POU6F2: variants seen among roughly 807,000 people sequenced by gnomAD.
POU6F2 encodes the protein POU class 6 homeobox 2.
In POU6F2, 31 loss-of-function variants were observed where a neutral mutation model predicts 71.3. The observed-to-expected ratio is 0.43, with a 90% confidence interval of 0.33 to 0.59. The LOEUF (loss-of-function observed/expected upper bound fraction) is 0.59. Among genes scored for constraint, POU6F2 ranks in the 20% least tolerant of loss-of-function variants. POU6F2 has a pLI of 0.04. For synonymous variants in POU6F2, 347 were observed against 355.7 expected, an observed-to-expected ratio of 0.98 and a Z score of 0.27; for missense variants, 783 against 856.8, an observed-to-expected ratio of 0.91 and a Z score of 1.07.
chr7:39,278,869 C>T (rs6967976), intron 4 of POU6F2, among the ~76,000 whole-genome samples: 41,067 of 152,078 alleles, frequency 0.27, 6,298 homozygotes, highest in African/African-American at 0.41. Context: ...TCCACATGTT[C>T]CTCAGGCTGG....
At chr7:39,319,491 T>A (rs1049409866) in intron 4 of POU6F2, among the ~76,000 whole-genome samples, 1 of 152,178 alleles carries the variant, frequency 6.6e-6, no homozygotes, top group African/African-American at 2.4e-5. Context: ...ATGCCCTACC[T>A]CTAAATTCTG....
intron 4 of POU6F2, among the ~76,000 whole-genome samples, chr7:39,336,361 G>A (rs1199314257): frequency 6.6e-6 from 1 of 151,984 alleles, no homozygotes; most frequent in East Asian, 1.9e-4. Context: ...TGTCTCTATG[G>A]ACTCACTTAT....
intron 2 of POU6F2, among the ~76,000 whole-genome samples, chr7:39,184,323 A>T (rs186398725): frequency 7.1e-4 from 108 of 152,366 alleles, no homozygotes; most frequent in Middle Eastern, 3.4e-3. Context: ...ACCACAAAAA[A>T]TATCAAGTAG....
intron 5 of POU6F2, among the ~76,000 whole-genome samples, chr7:39,379,594 A>T (rs1786783583): frequency 6.6e-6 from 1 of 152,158 alleles, no homozygotes; most frequent in Admixed American, 6.5e-5. Flanking sequence ...CTTTAGGTAA[A>T]ATTCCACCCA....
At chr7:39,151,477 C>G (rs1392922737) in intron 2 of POU6F2, among the ~76,000 whole-genome samples, 2 of 152,108 alleles carry the variant, frequency 1.3e-5, no homozygotes, top group African/African-American at 4.8e-5. Context: ...AAGTTCAAAT[C>G]CCTGTTGAGC....
chr7:39,428,058 C>A (rs1440345093), intron 6 of POU6F2, among the ~76,000 whole-genome samples: 1 of 152,154 alleles, frequency 6.6e-6, no homozygotes, highest in East Asian at 1.9e-4. Context: ...GCTCCAGAGC[C>A]CTGAATTGCT....
rs144486539 is a variant in POU6F2, at chr7:39,128,774, A to T, written c.277+42743A>T. Among the ~76,000 whole-genome samples, 8 of 152,348 alleles carry T rather than the reference A, an allele frequency of 5.3e-5. No individual in the cohort carries two copies. In the East Asian group the frequency reaches 1.5e-3, roughly 29 times the overall value. On this transcript the variant is annotated intron_variant, in intron 2 of 9. Coordinates refer to ENST00000518318, the MANE Select transcript of POU6F2 (RefSeq NM_001370959.1). Reference sequence around the variant, plus strand: ...TGTTCTCAGGCAGTCTGGCAGCCAGATAGAAACCATTTCTTATCTCCTATT... The same window carrying T: ...TGTTCTCAGGCAGTCTGGCAGCCAGTTAGAAACCATTTCTTATCTCCTATT...
intron 1 of POU6F2, among the ~76,000 whole-genome samples, chr7:39,031,705 A>G (rs1789946140): frequency 1.3e-5 from 2 of 151,958 alleles, no homozygotes; most frequent in Admixed American, 1.3e-4. Context: ...ACATGGCAAA[A>G]CCCCGTCTCT....
At chr7:38,991,857 TCC>T (rs1330614734) in intron 1 of POU6F2, among the ~76,000 whole-genome samples, 8 of 146,200 alleles carry the variant, frequency 5.5e-5, no homozygotes, top group Non-Finnish European at 1.2e-4. Flanking sequence ...TCTCTCTCTC[TCC>T]CTCTCTCTCA....
At chr7:39,062,849 T>TTTTGTTTG (rs34183417) in intron 1 of POU6F2, among the ~76,000 whole-genome samples, 31 of 148,360 alleles carry the variant, frequency 2.1e-4, no homozygotes, top group African/African-American at 2.7e-4. Context: ...CCCAGGAGTT[T>TTTTGTTTG]TTTGTTTGTT....
At chr7:39,248,491 T>C (rs867187049) in intron 4 of POU6F2, among the ~76,000 whole-genome samples, 1 of 152,234 alleles carries the variant, frequency 6.6e-6, no homozygotes, top group East Asian at 1.9e-4. Flanking sequence ...TCCAGATGTC[T>C]GTGCCTCTCC....
intron 6 of POU6F2, among the ~76,000 whole-genome samples, chr7:39,408,488 G>C (rs1052163264): frequency 1.3e-5 from 2 of 152,226 alleles, no homozygotes; most frequent in Non-Finnish European, 2.9e-5. Context: ...CCCAGGGATA[G>C]CTTTCCCAGC....
rs889889848 is a variant in POU6F2, at chr7:39,464,464, C to T, written c.1941C>T (p.Ala647=). The T allele has an allele frequency of 9.3e-6, 15 of 1,613,824 alleles. No homozygotes were observed. The highest frequency in any genetic ancestry group is 1.3e-5 in the Non-Finnish European group (15 of 1,179,882). Reference sequence around the variant, plus strand: ...GGCGCACCTCCTTCACACCCCAGGCCCTTGAGATCCTCAATGCCCACTTTG... The same window carrying T: ...GGCGCACCTCCTTCACACCCCAGGCTCTTGAGATCCTCAATGCCCACTTTG... ...RKRRTSFTPQ[A]LEILNAHFEK... Residue 647 remains alanine (A), a synonymous_variant, in exon 10 of 10, where the codon GCC becomes GCT. Transcript: ENST00000518318. This position sits in a 1 kb window ranked among gnomAD's most constrained non-coding sequence, Gnocchi z 4.1.
chr7:39,064,614 A>T (rs957766084), intron 1 of POU6F2, among the ~76,000 whole-genome samples: 2 of 151,990 alleles, frequency 1.3e-5, no homozygotes, highest in Non-Finnish European at 2.9e-5. Context: ...ATAAGATCAA[A>T]TATATTAATT....
At chr7:39,059,574 T>C (rs913271383) in intron 1 of POU6F2, among the ~76,000 whole-genome samples, 8 of 151,584 alleles carry the variant, frequency 5.3e-5, no homozygotes, top group African/African-American at 1.9e-4. Flanking sequence ...CATACACTGC[T>C]AGTAGGAATG....
At chr7:39,066,145 A>T (rs978551360) in intron 1 of POU6F2, among the ~76,000 whole-genome samples, 1 of 151,774 alleles carries the variant, frequency 6.6e-6, no homozygotes, top group Non-Finnish European at 1.5e-5. Context: ...CTTTAGGTTA[A>T]CTCGAAAGAA....
chr7:39,244,634 TCACA>T (rs1783790372), intron 4 of POU6F2, among the ~76,000 whole-genome samples: 1 of 152,164 alleles, frequency 6.6e-6, no homozygotes, highest in Non-Finnish European at 1.5e-5. Flanking sequence ...GTATGTACAC[TCACA>T]CACACGCATT....
chr7:39,121,802 G>A (rs1024855641), intron 2 of POU6F2, among the ~76,000 whole-genome samples: 4 of 152,126 alleles, frequency 2.6e-5, no homozygotes, highest in African/African-American at 7.2e-5. Flanking sequence ...GGGTTCAAGC[G>A]ATTCTCCTGC....
At chr7:39,352,281 T>C (rs1786152342) in intron 5 of POU6F2, among the ~76,000 whole-genome samples, 1 of 152,124 alleles carries the variant, frequency 6.6e-6, no homozygotes, top group South Asian at 2.1e-4. Flanking sequence ...TTATGATAAT[T>C]TGTAGGCCCC....
Sources: allele counts gnomAD v4.1 joint callset (sites outside exome capture counted in the v4.1 genomes callset), GRCh38; gene constraint gnomAD v4.1.1; non-coding constraint Gnocchi (gnomAD v3.1); transcripts MANE v1.5; gene names NCBI Gene and HGNC (gene_info 2026-07-23, HGNC 2026-07-21).